Variants in PTPRN2 observed in about 807,000 individuals in gnomAD.
The protein encoded by PTPRN2 is receptor-type tyrosine-protein phosphatase N2.
A neutral mutation model predicts 118.8 loss-of-function variants in PTPRN2; 74 were observed. The ratio of observed to expected loss-of-function variants is 0.62; its 90% confidence interval spans 0.52 to 0.76. The LOEUF is 0.76. Among genes scored for constraint, PTPRN2 ranks in the 30% least tolerant of loss-of-function variants. The probability of loss-of-function intolerance (pLI) is 0.00; values close to 1 mark genes in which losing one functional copy is unlikely to be tolerated. For missense variants in PTPRN2, 1,481 were observed against 1,394.4 expected, an observed-to-expected ratio of 1.06 and a Z score of -0.99; for synonymous variants, 641 against 608.0, an observed-to-expected ratio of 1.05 and a Z score of -0.80.
In PTPRN2 at chr7:158,120,606, A is replaced by G. The variant is rs77332790; in HGVS notation, c.1557-9691T>C. On this transcript the variant is annotated intron_variant, in intron 9 of 22. Coordinates refer to ENST00000389418, the MANE Select transcript of PTPRN2 (RefSeq NM_002847.5). ...TTTAAAGTGGATTTTTCAAGGCTGCATTCTGTGTAATTTTACAATTGAGAA... is the reference window on the plus strand; with the variant it reads ...TTTAAAGTGGATTTTTCAAGGCTGCGTTCTGTGTAATTTTACAATTGAGAA... Among the ~76,000 whole-genome samples, 109 of 152,282 alleles carry G rather than the reference A, an allele frequency of 7.2e-4. 1 individual carries two copies. In the East Asian group the frequency reaches 0.02, roughly 28 times the overall value.
intron 3 of PTPRN2, among the ~76,000 whole-genome samples, chr7:158,262,550 C>CAT: frequency 6.8e-6 from 1 of 146,164 alleles, no homozygotes; most frequent in East Asian, 2.1e-4. Flanking sequence ...CATTCACACA[C>CAT]TGCACACACT....
intron 3 of PTPRN2, among the ~76,000 whole-genome samples, chr7:158,227,703 G>A (rs1270755406): frequency 6.6e-6 from 1 of 152,214 alleles, no homozygotes; most frequent in Non-Finnish European, 1.5e-5. Context: ...GCAAGGAAAG[G>A]GCTGGTGAGC....
chr7:157,715,698 A>C (rs1172290077), intron 12 of PTPRN2, among the ~76,000 whole-genome samples: 3 of 152,232 alleles, frequency 2.0e-5, no homozygotes, highest in Admixed American at 2.0e-4. Flanking sequence ...CCAGACTGCC[A>C]AGAGAAAACG....
chr7:158,178,232 G>A (rs545645747), intron 5 of PTPRN2, among the ~76,000 whole-genome samples: 7 of 152,196 alleles, frequency 4.6e-5, no homozygotes, highest in East Asian at 3.9e-4. Context: ...TTTGGGGTAC[G>A]CATGGTTTGG....
At chr7:157,563,935 T>C (rs1799352257) in intron 21 of PTPRN2, among the ~76,000 whole-genome samples, 1 of 152,226 alleles carries the variant, frequency 6.6e-6, no homozygotes, top group Admixed American at 6.5e-5. Context: ...GACCACATGC[T>C]CCCGCACACG....
chr7:157,751,332 GA>G lies in PTPRN2; in HGVS notation c.1789-68396del, dbSNP rs566192327. On this transcript the variant is annotated intron_variant, in intron 12 of 22. Transcript: ENST00000389418. ...GTCAGCGAGGGAGAGCAGGTGGAAA[GA>G]AAAAAATCCATGCGGCGAACGCCCT... Among the ~76,000 whole-genome samples, 69 of 152,276 alleles carry G rather than the reference GA, an allele frequency of 4.5e-4. 1 individual carries two copies. In the South Asian group the frequency reaches 0.012, roughly 27 times the overall value.
intron 12 of PTPRN2, among the ~76,000 whole-genome samples, chr7:157,810,502 A>G (rs1805932117): frequency 7.3e-6 from 1 of 136,106 alleles, no homozygotes; most frequent in African/African-American, 2.8e-5. Flanking sequence ...CAGGGTCTCC[A>G]TGGGGACGGC....
chr7:157,669,864 G>A (rs548184041), intron 13 of PTPRN2, among the ~76,000 whole-genome samples: 6 of 152,216 alleles, frequency 3.9e-5, no homozygotes, highest in South Asian at 2.1e-4. Flanking sequence ...GCCGGGCTCC[G>A]GGCATCCAGG....
chr7:158,523,388 TGGAGC>T (rs1230301544), intron 1 of PTPRN2, among the ~76,000 whole-genome samples: 13 of 132,816 alleles, frequency 9.8e-5, no homozygotes, highest in Non-Finnish European at 1.8e-4. Context: ...TCGTCTGCCC[TGGAGC>T]GGAGTCATCT....
At chr7:158,260,261 G>A (rs539779299) in intron 3 of PTPRN2, among the ~76,000 whole-genome samples, 1 of 152,290 alleles carries the variant, frequency 6.6e-6, no homozygotes, top group African/African-American at 2.4e-5. Context: ...CCAGGATGCC[G>A]CCCTAGGCTG....
intron 1 of PTPRN2, among the ~76,000 whole-genome samples, chr7:158,513,573 T>G (rs1039554588): frequency 4.6e-5 from 7 of 152,302 alleles, no homozygotes; most frequent in Non-Finnish European, 7.3e-5. Flanking sequence ...CTGTTCTACC[T>G]TCAGTTATTT....
chr7:158,059,035 C>T (rs375886900), intron 11 of PTPRN2, among the ~76,000 whole-genome samples: 55 of 72,402 alleles, frequency 7.6e-4, no homozygotes, highest in South Asian at 2.5e-3. Context: ...CAGTGAGACA[C>T]CACTGCAGCC....
At position 158,541,461 on chromosome 7, in the gene PTPRN2, T is replaced by C. The variant is rs1825978869; in HGVS notation, c.112+46097A>G. On this transcript the variant is annotated intron_variant, in intron 1 of 22. Coordinates refer to ENST00000389418, the MANE Select transcript of PTPRN2 (RefSeq NM_002847.5). ...CTGCACCAGACACTGCCACCGAGGGTCCACTGGCTCCGTCCTCTCCCTCGT... is the reference window on the plus strand; with the variant it reads ...CTGCACCAGACACTGCCACCGAGGGCCCACTGGCTCCGTCCTCTCCCTCGT... 2.2e-6 allele frequency: 3 copies of C among 1,351,772 alleles called. No homozygotes were observed. In the African/African-American group the frequency reaches 4.4e-5, roughly 20 times the overall value. 83.7% of individuals were successfully genotyped at this position (1,351,772 alleles called of 1,614,324 possible).
At chr7:157,541,910 C>T (rs575079011) in intron 22 of PTPRN2, among the ~76,000 whole-genome samples, 5 of 152,354 alleles carry the variant, frequency 3.3e-5, no homozygotes, top group South Asian at 2.1e-4. Context: ...CTGATGCTGA[C>T]GGAATGGTCT....
intron 3 of PTPRN2, among the ~76,000 whole-genome samples, chr7:158,286,862 C>T (rs962594861): frequency 3.9e-5 from 6 of 152,158 alleles, no homozygotes; most frequent in East Asian, 1.9e-4. Context: ...GTGCTGACCT[C>T]GTAAAATGAG....
chr7:158,290,193 T>TA (rs1201743549), intron 3 of PTPRN2, among the ~76,000 whole-genome samples: 4 of 69,674 alleles, frequency 5.7e-5, no homozygotes, highest in Admixed American at 1.1e-4. Context: ...CCAAAGGGGC[T>TA]GGCTGGCACC....
intron 2 of PTPRN2, among the ~76,000 whole-genome samples, chr7:158,337,354 A>C (rs1432602071): frequency 3.5e-5 from 3 of 86,346 alleles, no homozygotes; most frequent in African/African-American, 1.2e-4. Flanking sequence ...TGACACCTGC[A>C]GACGTCCCTC....
intron 1 of PTPRN2, among the ~76,000 whole-genome samples, chr7:158,503,480 G>C (rs1296032992): frequency 6.6e-6 from 1 of 152,176 alleles, no homozygotes; most frequent in Non-Finnish European, 1.5e-5. Flanking sequence ...CCCCCGGCCT[G>C]TCTCCCCACC....
chr7:157,565,789 G>A (rs1335819177), intron 21 of PTPRN2, among the ~76,000 whole-genome samples: 1 of 152,178 alleles, frequency 6.6e-6, no homozygotes, highest in East Asian at 1.9e-4. Context: ...TTTGCTACAT[G>A]TGAGCCAAGC....
Sources: allele counts gnomAD v4.1 joint callset (sites outside exome capture counted in the v4.1 genomes callset), GRCh38; gene constraint gnomAD v4.1.1; transcripts MANE v1.5; gene names NCBI Gene and HGNC (gene_info 2026-07-23, HGNC 2026-07-21).